RAP1GDS1: variants seen among roughly 807,000 people sequenced by gnomAD.
RAP1GDS1 encodes RAP1, GTP-GDP dissociation stimulator 1.
In RAP1GDS1, 35 loss-of-function variants were observed where a neutral mutation model predicts 71.1. That is an observed-to-expected ratio of 0.49 (90% confidence interval 0.38 to 0.65). The LOEUF (loss-of-function observed/expected upper bound fraction) is 0.65, where lower values mean the gene tolerates loss of function less well. Ranked by LOEUF, RAP1GDS1 falls within the 30% of genes least tolerant of loss-of-function variation. The pLI is 0.00. For synonymous variants in RAP1GDS1, 229 were observed against 243.1 expected (o/e 0.94, Z 0.54); for missense variants, 663 against 706.1 (o/e 0.94, Z 0.69).
chr4:98,314,362 T>G (rs962210189), intron 2 of RAP1GDS1, among the ~76,000 whole-genome samples: 1 of 152,190 alleles, frequency 6.6e-6, no homozygotes, highest in Non-Finnish European at 1.5e-5. Flanking sequence ...GAAATCAAGT[T>G]TCCTTGGTGA....
intron 4 of RAP1GDS1, among the ~76,000 whole-genome samples, chr4:98,359,364 T>C (rs1578577445): frequency 6.6e-6 from 1 of 152,238 alleles, no homozygotes; most frequent in East Asian, 1.9e-4. Context: ...AGGACATTTC[T>C]GCCATAGAGA....
chr4:98,350,453 T>G (rs1481537834), intron 3 of RAP1GDS1, among the ~76,000 whole-genome samples: 1 of 151,854 alleles, frequency 6.6e-6, no homozygotes, highest in African/African-American at 2.4e-5. Context: ...TCACCTATAA[T>G]CCTAGCATTT....
At chr4:98,276,195 G>A (rs977500049) in intron 1 of RAP1GDS1, among the ~76,000 whole-genome samples, 2 of 152,074 alleles carry the variant, frequency 1.3e-5, no homozygotes, top group African/African-American at 4.8e-5. Flanking sequence ...TGGAGGTTGA[G>A]TTTATAAGGG....
intron 5 of RAP1GDS1, among the ~76,000 whole-genome samples, chr4:98,381,308 TATC>T (rs925200422): frequency 3.3e-5 from 5 of 151,664 alleles, no homozygotes; most frequent in African/African-American, 9.7e-5. Flanking sequence ...AACTTGTAAC[TATC>T]ATCATCTTTC....
intron 2 of RAP1GDS1, among the ~76,000 whole-genome samples, chr4:98,319,836 A>C (rs1731527024): frequency 6.6e-6 from 1 of 150,980 alleles, no homozygotes; most frequent in Non-Finnish European, 1.5e-5. Flanking sequence ...AGGTCCTCTT[A>C]TAAGCAGATT....
At chr4:98,347,887 G>T (rs1406107519) in intron 3 of RAP1GDS1, among the ~76,000 whole-genome samples, 1 of 152,152 alleles carries the variant, frequency 6.6e-6, no homozygotes. Context: ...ATAGGTAGTA[G>T]GAACCCCTTT....
intron 3 of RAP1GDS1, among the ~76,000 whole-genome samples, chr4:98,346,802 C>T (rs778415959): frequency 4.5e-4 from 68 of 152,234 alleles, no homozygotes; most frequent in Middle Eastern, 6.8e-3. Flanking sequence ...CCTTGGTCTC[C>T]CAAAGTGCTG....
chr4:98,313,780 G>A (rs1045503380), intron 2 of RAP1GDS1, among the ~76,000 whole-genome samples: 1 of 152,100 alleles, frequency 6.6e-6, no homozygotes, highest in Non-Finnish European at 1.5e-5. Flanking sequence ...CCAGGAGGTC[G>A]AGGGTGTAGT....
chr4:98,389,719 TCTTTA>T (rs1280777998), intron 5 of RAP1GDS1, among the ~76,000 whole-genome samples: 1 of 152,238 alleles, frequency 6.6e-6, no homozygotes, highest in African/African-American at 2.4e-5. Context: ...CTATAACATT[TCTTTA>T]CTTTTCACCC....
chr4:98,269,464 TAAAC>T (rs1318540123), intron 1 of RAP1GDS1, among the ~76,000 whole-genome samples: 2 of 151,822 alleles, frequency 1.3e-5, no homozygotes, highest in Non-Finnish European at 1.5e-5. Context: ...AAAGCAAAAA[TAAAC>T]AAATGGGACT....
chr4:98,310,738 A>G (rs1443625198), intron 2 of RAP1GDS1, among the ~76,000 whole-genome samples: 1 of 152,180 alleles, frequency 6.6e-6, no homozygotes, highest in Non-Finnish European at 1.5e-5. Context: ...CCACCAAGCC[A>G]CATATGGTTA....
At chr4:98,381,002 G>C (rs1370271306) in intron 5 of RAP1GDS1, among the ~76,000 whole-genome samples, 1 of 151,604 alleles carries the variant, frequency 6.6e-6, no homozygotes, top group Non-Finnish European at 1.5e-5. Context: ...TAATATTATA[G>C]GGTATCCCAG....
chr4:98,404,445 T>C, intron 6 of RAP1GDS1, 32 bp from the exon 7 acceptor site: 2 of 1,548,346 alleles, frequency 1.3e-6, no homozygotes. Flanking sequence ...CTGGACTTTA[T>C]TTGGTTTAAG....
At chr4:98,317,507 T>C (rs1048047776) in intron 2 of RAP1GDS1, among the ~76,000 whole-genome samples, 1 of 152,092 alleles carries the variant, frequency 6.6e-6, no homozygotes, top group Non-Finnish European at 1.5e-5. Flanking sequence ...GTTAAGGTGA[T>C]AGGGTTGGAG....
intron 6 of RAP1GDS1, chr4:98,396,122 C>T (rs987396163): frequency 6.6e-6 from 1 of 151,892 alleles, no homozygotes; most frequent in African/African-American, 2.4e-5. Flanking sequence ...TCACTTATCA[C>T]CAAGGGGATG....
At chr4:98,369,999 C>T (rs116683274) in intron 4 of RAP1GDS1, among the ~76,000 whole-genome samples, 2,125 of 152,300 alleles carry the variant, frequency 0.014, 47 homozygotes, top group African/African-American at 0.048. Flanking sequence ...TTTCTGACTC[C>T]TCCAGGTAAA....
chr4:98,299,364 A>G (rs1192221026), intron 2 of RAP1GDS1, among the ~76,000 whole-genome samples: 3 of 152,226 alleles, frequency 2.0e-5, no homozygotes, highest in Admixed American at 2.0e-4. Context: ...GCTGCAATAA[A>G]CATACGTGTG....
chr4:98,373,773 A>G (rs542608100), intron 4 of RAP1GDS1, among the ~76,000 whole-genome samples: 2 of 152,330 alleles, frequency 1.3e-5, no homozygotes, highest in South Asian at 4.1e-4. Context: ...AGATTAATAC[A>G]ATAACTAATA....
At chr4:98,361,489 TAAAG>T (rs969626417) in intron 4 of RAP1GDS1, among the ~76,000 whole-genome samples, 1 of 152,020 alleles carries the variant, frequency 6.6e-6, no homozygotes, top group Non-Finnish European at 1.5e-5. Context: ...ATATAGGGAG[TAAAG>T]AAAGCTTTAG....
Sources: allele counts gnomAD v4.1 joint callset (sites outside exome capture counted in the v4.1 genomes callset), GRCh38; gene constraint gnomAD v4.1.1; transcripts MANE v1.5; gene names NCBI Gene and HGNC (gene_info 2026-07-23, HGNC 2026-07-21).